The following LIMCH1 variants were observed in gnomAD, a reference collection of about 807,000 sequenced individuals.
LIMCH1 encodes LIM and calponin homology domains-containing protein 1.
LIMCH1 carries 113 observed loss-of-function variants against 176.5 expected under a neutral mutation model. That is an observed-to-expected ratio of 0.64 (90% CI 0.55 to 0.75). The LOEUF is 0.75. Ranked by LOEUF, LIMCH1 falls within the 30% of genes least tolerant of loss-of-function variation. LIMCH1 has a pLI of 0.00. For synonymous variants in LIMCH1, 619 were observed against 645.9 expected (o/e 0.96, Z 0.63); for missense variants, 1,674 against 1,814.9 (o/e 0.92, Z 1.41).
intron 1 of LIMCH1, among the ~76,000 whole-genome samples, chr4:41,383,847 C>T (rs2056084803): frequency 6.6e-6 from 1 of 152,010 alleles, no homozygotes; most frequent in African/African-American, 2.4e-5. Context: ...TGAAGAATGA[C>T]ATTTAAGGGA....
chr4:41,495,133 A>G (rs546735502), intron 2 of LIMCH1, among the ~76,000 whole-genome samples: 1 of 152,358 alleles, frequency 6.6e-6, no homozygotes, highest in Admixed American at 6.5e-5. Flanking sequence ...TTTGTGTTTT[A>G]AAGAATTCAG....
At chr4:41,445,047 C>T (rs1190060255) in intron 1 of LIMCH1, among the ~76,000 whole-genome samples, 2 of 149,330 alleles carry the variant, frequency 1.3e-5, no homozygotes. Flanking sequence ...TTTGAGACAC[C>T]CAGGCTGGAG....
At chr4:41,426,189 T>G (rs1320929216) in intron 1 of LIMCH1, among the ~76,000 whole-genome samples, 4 of 151,266 alleles carry the variant, frequency 2.6e-5, no homozygotes, top group Admixed American at 1.3e-4. Flanking sequence ...GCCCGGCTAA[T>G]TTTTTGTATT....
intron 18 of LIMCH1, among the ~76,000 whole-genome samples, chr4:41,655,333 G>A (rs761162609): frequency 6.6e-6 from 1 of 152,156 alleles, no homozygotes; most frequent in African/African-American, 2.4e-5. Context: ...TGTCTGTAGA[G>A]CACTTAGCAT....
intron 22 of LIMCH1, among the ~76,000 whole-genome samples, chr4:41,672,472 G>T (rs1402214770): frequency 1.3e-5 from 2 of 152,088 alleles, no homozygotes; most frequent in Non-Finnish European, 2.9e-5. Flanking sequence ...TTAATATGAG[G>T]ATAATACTTG....
At chr4:41,677,141 C>A (rs967418614) in intron 23 of LIMCH1, among the ~76,000 whole-genome samples, 4 of 148,648 alleles carry the variant, frequency 2.7e-5, no homozygotes, top group African/African-American at 1.0e-4. Context: ...CCAACCTAGA[C>A]AACAGAGTGA....
At position 41,613,410 on chromosome 4, in the gene LIMCH1, C is replaced by T. The variant is rs1271975594; in HGVS notation, c.10-56C>T. On this transcript the variant is annotated intron_variant, in intron 4 of 31. Coordinates refer to ENST00000503057, the MANE Select transcript of LIMCH1 (RefSeq NM_001330672.2). ...TTGGAGACCACTGGAGACCCATCTT[C>T]CTGATAGTGTAGGCTAGAATTATGT... 5 of 1,481,434 alleles carry T rather than the reference C, an allele frequency of 3.4e-6. No homozygotes were observed. In the Admixed American group the frequency reaches 9.2e-5, roughly 27 times the overall value. 91.8% of individuals were successfully genotyped at this position (1,481,434 alleles called of 1,614,324 possible). A position where few individuals can be genotyped will look rare whatever the true frequency, so the allele number is the denominator to read the frequency against.
intron 1 of LIMCH1, among the ~76,000 whole-genome samples, chr4:41,444,997 A>AT (rs1422546173): frequency 6.6e-6 from 1 of 151,316 alleles, no homozygotes; most frequent in African/African-American, 2.4e-5. Flanking sequence ...CATGAAGAGA[A>AT]TATTCAACAA....
intron 2 of LIMCH1, among the ~76,000 whole-genome samples, chr4:41,523,900 T>C (rs866504966): frequency 6.6e-6 from 1 of 152,236 alleles, no homozygotes; most frequent in African/African-American, 2.4e-5. Context: ...TCTTCCCTTT[T>C]TAAAGTGAAA....
intron 21 of LIMCH1, among the ~76,000 whole-genome samples, chr4:41,668,028 A>G (rs981471088): frequency 6.6e-6 from 1 of 152,074 alleles, no homozygotes; most frequent in Non-Finnish European, 1.5e-5. Flanking sequence ...GCCAGAGTTC[A>G]GGAGGCAAGA....
In LIMCH1 at chr4:41,422,333, G is replaced by A. The variant is rs532426795; in HGVS notation, c.96+61397G>A. ...CTCCCAAGTAGCTTGGATTATAGGC[G>A]CGCATCACCATGCCCAGCTAATTTT... On this transcript the variant is annotated intron_variant, in intron 1 of 26. Transcript: ENST00000313860. 1.1e-4 allele frequency among the ~76,000 whole-genome samples: 17 copies of A among 151,990 alleles called. No homozygotes were observed. In the South Asian group the frequency reaches 3.1e-3, roughly 28 times the overall value.
chr4:41,599,502 AGATG>A (rs1383049375), intron 2 of LIMCH1, among the ~76,000 whole-genome samples: 1 of 152,214 alleles, frequency 6.6e-6, no homozygotes, highest in Non-Finnish European at 1.5e-5. Context: ...AGTTCTTTGA[AGATG>A]GATCAAGAAC....
intron 1 of LIMCH1, among the ~76,000 whole-genome samples, chr4:41,487,147 C>A (rs186292969): frequency 6.6e-6 from 1 of 152,236 alleles, no homozygotes; most frequent in African/African-American, 2.4e-5. Context: ...GTGTGAGCCA[C>A]CACGCCCGGC....
rs773563188 is a variant in LIMCH1, at chr4:41,619,266, G to A, written c.284G>A (p.Arg95Gln). The stretch of plus-strand genomic sequence containing the variant: ...AAGAAGGATGACATGTCTGCACGGC[G>A]GACTTCCCATGGTGAGCCGAAATCA... ...DVKKDDMSAR[R>Q]TSHGEPKSAV... The change falls in exon 6 of 32, where the codon CGG becomes CAG. Residue 95 changes from arginine to glutamine, a missense_variant. By Grantham distance (43) the Arg-to-Gln change is conservative (BLOSUM62 1). Transcript: ENST00000503057. The A allele has an allele frequency of 5.6e-6, 9 of 1,614,068 alleles. No individual in the cohort carries two copies. Among genetic ancestry groups the A allele is most frequent in the South Asian group, 2.2e-5 (2 of 91,082 alleles).
chr4:41,436,312 A>G (rs980998942), intron 1 of LIMCH1, among the ~76,000 whole-genome samples: 1 of 152,168 alleles, frequency 6.6e-6, no homozygotes, highest in African/African-American at 2.4e-5. Flanking sequence ...GAACATGAGT[A>G]TACCTCCAGT....
intron 1 of LIMCH1, among the ~76,000 whole-genome samples, chr4:41,559,256 A>G (rs2081733623): frequency 6.6e-6 from 1 of 152,098 alleles, no homozygotes; most frequent in African/African-American, 2.4e-5. Context: ...TTACAGGAGC[A>G]CCTTCAATTT....
chr4:41,538,828 C>T (rs1157791281), intron 1 of LIMCH1, among the ~76,000 whole-genome samples: 1 of 152,020 alleles, frequency 6.6e-6, no homozygotes, highest in African/African-American at 2.4e-5. Context: ...TTAAAAACTT[C>T]CATTTCTTAA....
chr4:41,372,200 C>G (rs1384663931), intron 1 of LIMCH1, among the ~76,000 whole-genome samples: 1 of 152,096 alleles, frequency 6.6e-6, no homozygotes, highest in African/African-American at 2.4e-5. Flanking sequence ...GCGCTCTTGC[C>G]CCCCACCTTT....
rs141374102 is a variant in LIMCH1, at chr4:41,613,562, C to T, written c.106C>T (p.Arg36Cys). The part of the protein sequence containing the change: ...SERSDSLSPP[R>C]HGRDDSFDSL... Reference sequence around the variant, plus strand: ...GCGCAGCGACTCCCTCTCTCCTCCTCGCCACGGCAGAGATGATTCCTTCGA... The same window carrying T: ...GCGCAGCGACTCCCTCTCTCCTCCTTGCCACGGCAGAGATGATTCCTTCGA... The change falls in exon 5 of 32, where the codon CGC (arginine) becomes TGC (cysteine). Residue 36 changes from arginine (R) to cysteine (C), a missense_variant. Arg to Cys is a radical substitution (Grantham distance 180, BLOSUM62 -3). Coordinates refer to ENST00000503057, the MANE Select transcript of LIMCH1 (RefSeq NM_001330672.2). 1.6e-3 allele frequency: 2,663 copies of T among 1,614,132 alleles called. 8 individuals are homozygous for T. The highest frequency in any genetic ancestry group is 2.0e-3 in the Admixed American group (123 of 60,026).
Sources: allele counts gnomAD v4.1 joint callset (sites outside exome capture counted in the v4.1 genomes callset), GRCh38; gene constraint gnomAD v4.1.1; transcripts MANE v1.5; gene names NCBI Gene and HGNC (gene_info 2026-07-23, HGNC 2026-07-21).